ADGRL2: variants seen among roughly 807,000 people sequenced by gnomAD.
ADGRL2 encodes calcium-independent alpha-latrotoxin receptor 2.
In ADGRL2, 44 loss-of-function variants were observed where a neutral mutation model predicts 157.4. The ratio of observed to expected loss-of-function variants is 0.28; its 90% CI spans 0.22 to 0.36. The LOEUF is 0.36. ADGRL2 is among the 10% of genes least tolerant of loss of function. ADGRL2 has a pLI of 1.00. For synonymous variants in ADGRL2, 585 were observed against 624.7 expected, an observed-to-expected ratio of 0.94 and a Z score of 0.95; for missense variants, 1,510 against 1,768.9, an observed-to-expected ratio of 0.85 and a Z score of 2.63.
rs141272393 is a variant in ADGRL2, at chr1:81,313,943, TTATAAG to T, written c.-302+7439_-302+7444del. 3.3e-3 allele frequency among the ~76,000 whole-genome samples: 496 copies of T among 152,310 alleles called. 5 individuals are homozygous for T. The East Asian group carries it at 0.036, about 11-fold the overall frequency. ...TCCTTCATACTCTGTCCCCAATCCA[TTATAAG>T]TATATCATTCAAACCTGTTTAATTT... On this transcript the variant is annotated intron_variant, in intron 1 of 24. Coordinates refer to the ADGRL2 transcript ENST00000370721.
At chr1:81,546,296 G>C (rs1018398608) in intron 2 of ADGRL2, among the ~76,000 whole-genome samples, 1 of 152,080 alleles carries the variant, frequency 6.6e-6, no homozygotes, top group African/African-American at 2.4e-5. Flanking sequence ...CATTTTATTT[G>C]GGAACGCAAA....
At chr1:81,731,462 A>G (rs1377050589) in intron 1 of ADGRL2, among the ~76,000 whole-genome samples, 1 of 152,024 alleles carries the variant, frequency 6.6e-6, no homozygotes, top group South Asian at 2.1e-4. Flanking sequence ...ATGACTTTGC[A>G]CTTCCTCTAG....
chr1:81,975,290 ATGTT>A (rs1659883128), intron 17 of ADGRL2, among the ~76,000 whole-genome samples: 1 of 152,108 alleles, frequency 6.6e-6, no homozygotes. Flanking sequence ...GTTTAGACAA[ATGTT>A]TGTGTGCGCA....
intron 2 of ADGRL2, among the ~76,000 whole-genome samples, chr1:81,546,014 G>T (rs2080008638): frequency 6.6e-6 from 1 of 152,152 alleles, no homozygotes; most frequent in Non-Finnish European, 1.5e-5. Flanking sequence ...GGTGCGGGGG[G>T]AAGGGAATAG....
chr1:81,731,186 T>A (rs1242169041), intron 1 of ADGRL2, among the ~76,000 whole-genome samples: 1 of 152,236 alleles, frequency 6.6e-6, no homozygotes, highest in Non-Finnish European at 1.5e-5. Context: ...AATGAACCAG[T>A]GTATTATGTT....
intron 1 of ADGRL2, among the ~76,000 whole-genome samples, chr1:81,360,707 A>AAAGGAAAGAAGAGAAGGG: frequency 6.6e-6 from 1 of 151,828 alleles, no homozygotes; most frequent in African/African-American, 2.4e-5. Context: ...AATATTTATT[A>AAAGGAAAGAAGAGAAGGG]AAGGAAAGAA....
chr1:81,842,353 C>CTTTTTTTTTTTTT (rs71085377), intron 2 of ADGRL2, among the ~76,000 whole-genome samples: 2 of 54,952 alleles, frequency 3.6e-5, no homozygotes, highest in Non-Finnish European at 6.1e-5. Flanking sequence ...TCTTTTAGCG[C>CTTTTTTTTTTTTT]TTTTTTTTTT....
chr1:81,701,610 G>A lies in ADGRL2; in HGVS notation c.-143+1802G>A, dbSNP rs532798409. 2.6e-5 allele frequency among the ~76,000 whole-genome samples: 4 copies of A among 152,090 alleles called. No homozygotes were observed. In the East Asian group the frequency reaches 5.8e-4, roughly 22 times the overall value. ...CCCAACTATCTGGACAACACCCTAG[G>A]GGAAAGAGTCTGCCTAAATCACTAC... On this transcript the variant is annotated intron_variant, in intron 1 of 20. Transcript: ENST00000359929.
intron 3 of ADGRL2, among the ~76,000 whole-genome samples, chr1:81,919,318 T>TTATA (rs1263738700): frequency 6.6e-6 from 1 of 152,142 alleles, no homozygotes; most frequent in Non-Finnish European, 1.5e-5. Context: ...AGCCCTCCTA[T>TTATA]TATAATATGG....
intron 2 of ADGRL2, among the ~76,000 whole-genome samples, chr1:81,895,069 A>G (rs986052589): frequency 3.9e-5 from 6 of 152,190 alleles, no homozygotes; most frequent in African/African-American, 1.4e-4. Context: ...ATGGGGATAT[A>G]GTGTCTTTCC....
chr1:81,682,103 A>ATGTGTG (rs57943530), intron 3 of ADGRL2, among the ~76,000 whole-genome samples: 6,555 of 147,980 alleles, frequency 0.044, 166 homozygotes, highest in East Asian at 0.057. Flanking sequence ...ATACATATAT[A>ATGTGTG]TGTGTGTGTG....
intron 2 of ADGRL2, among the ~76,000 whole-genome samples, chr1:81,532,008 G>T (rs1315225616): frequency 1.3e-5 from 2 of 152,102 alleles, no homozygotes; most frequent in East Asian, 1.9e-4. Context: ...ACTGAAGTCT[G>T]CATCCTAAGC....
chr1:81,693,789 CA>C (rs2083388942), intron 3 of ADGRL2, among the ~76,000 whole-genome samples: 1 of 152,104 alleles, frequency 6.6e-6, no homozygotes, highest in Non-Finnish European at 1.5e-5. Context: ...CAGCAGGAGA[CA>C]AATCAGTGGC....
chr1:81,607,572 G>T (rs1033771532), intron 3 of ADGRL2, among the ~76,000 whole-genome samples: 3 of 152,150 alleles, frequency 2.0e-5, no homozygotes, highest in African/African-American at 7.2e-5. Context: ...CAAGTTGAAA[G>T]GACAAAACAT....
At chr1:81,669,117 A>C in intron 3 of ADGRL2, among the ~76,000 whole-genome samples, 1 of 151,894 alleles carries the variant, frequency 6.6e-6, no homozygotes, top group South Asian at 2.1e-4. Context: ...TTGTTTATCT[A>C]TTTTCCCAAA....
At chr1:81,722,300 A>C in intron 1 of ADGRL2, 1 of 565,150 alleles carries the variant, frequency 1.8e-6, no homozygotes, top group Non-Finnish European at 3.2e-6. Context: ...CTAAAAAAAA[A>C]AGAAAATGCA....
chr1:81,770,164 T>C (rs1353548174), intron 2 of ADGRL2, among the ~76,000 whole-genome samples: 4 of 137,620 alleles, frequency 2.9e-5, no homozygotes, highest in Non-Finnish European at 6.2e-5. Flanking sequence ...TTTTTTTTTT[T>C]TTTTTTTTTT....
intron 3 of ADGRL2, among the ~76,000 whole-genome samples, chr1:81,619,409 T>C (rs188867391): frequency 6.6e-6 from 1 of 152,208 alleles, no homozygotes; most frequent in African/African-American, 2.4e-5. Flanking sequence ...ATTGACACCA[T>C]AGCAACTAAT....
At chr1:81,786,438 T>C (rs747275677) in intron 2 of ADGRL2, among the ~76,000 whole-genome samples, 36 of 152,006 alleles carry the variant, frequency 2.4e-4, no homozygotes, top group Non-Finnish European at 5.0e-4. Flanking sequence ...AATAGCTGAG[T>C]TGTGGTGCAC....
Sources: allele counts gnomAD v4.1 joint callset (sites outside exome capture counted in the v4.1 genomes callset), GRCh38; gene constraint gnomAD v4.1.1; transcripts MANE v1.5; gene names NCBI Gene and HGNC (gene_info 2026-07-23, HGNC 2026-07-21).